Variants in BCAS3 observed in about 807,000 individuals in gnomAD.
BCAS3 encodes BCAS3 microtubule associated cell migration factor.
In BCAS3, 53 loss-of-function variants were observed where a neutral mutation model predicts 116.1. The ratio of observed to expected loss-of-function variants is 0.46; its 90% CI spans 0.37 to 0.57. BCAS3 has a LOEUF of 0.57. Among genes scored for constraint, BCAS3 ranks in the 20% least tolerant of loss-of-function variants. BCAS3 has a pLI of 0.00. For missense variants in BCAS3, 917 were observed against 1,165.4 expected, an observed-to-expected ratio of 0.79 and a Z score of 3.10; for synonymous variants, 391 against 408.2, an observed-to-expected ratio of 0.96 and a Z score of 0.51.
At chr17:61,242,720 T>A (rs1249686570) in intron 22 of BCAS3, among the ~76,000 whole-genome samples, 4 of 152,312 alleles carry the variant, frequency 2.6e-5, no homozygotes, top group African/African-American at 9.6e-5. Flanking sequence ...ATAAGTTTAT[T>A]CTTTTTCTGA....
At chr17:60,702,923 A>G (rs934670680) in intron 4 of BCAS3, among the ~76,000 whole-genome samples, 2 of 152,136 alleles carry the variant, frequency 1.3e-5, no homozygotes, top group Non-Finnish European at 2.9e-5. Flanking sequence ...CTGTCATTGC[A>G]GTGACACCAG....
In BCAS3 at chr17:61,196,547, C is replaced by T. The variant is rs977564858; in HGVS notation, c.2425+111983C>T. ...AGCTGGGAAGGGTTGGAAGTAGCCC[C>T]AAGGCTGGTTAGTCCCCTTCCAGAT... On this transcript the variant is annotated intron_variant, in intron 22 of 23. Coordinates refer to ENST00000407086, the MANE Select transcript of BCAS3 (RefSeq NM_017679.5). The surrounding 1 kb of genome is among the most constrained non-coding windows in gnomAD (Gnocchi z 4.7). Among the ~76,000 whole-genome samples the T allele has an allele frequency of 1.3e-5, 2 of 152,188 alleles. No homozygotes were observed. The highest frequency in any genetic ancestry group is 4.8e-5 in the African/African-American group (2 of 41,454).
rs558344486 is a variant in BCAS3 at position 61,385,840 on chromosome 17, C to T, written c.2594-6137C>T. 1.0e-3 allele frequency among the ~76,000 whole-genome samples: 159 copies of T among 152,234 alleles called. 1 individual carries two copies. The highest frequency in any genetic ancestry group is 3.7e-3 in the African/African-American group (152 of 41,546). On this transcript the variant is annotated intron_variant, in intron 23 of 23. Coordinates refer to ENST00000407086, the MANE Select transcript of BCAS3 (RefSeq NM_017679.5). ...TTGGAAGAGGGTATTTGCAAAGAGG[C>T]GAGGAGGGAAATGAAAAGCTGTAAA...
chr17:61,330,654 C>T (rs902069288), intron 22 of BCAS3, among the ~76,000 whole-genome samples: 17 of 152,344 alleles, frequency 1.1e-4, no homozygotes, highest in African/African-American at 3.8e-4. Flanking sequence ...CCCCAGGAGT[C>T]CCCCTGCCCA....
chr17:61,263,497 C>T (rs1228201552), intron 22 of BCAS3, among the ~76,000 whole-genome samples: 1 of 152,202 alleles, frequency 6.6e-6, no homozygotes, highest in African/African-American at 2.4e-5. Context: ...CGATGCTGCC[C>T]ATGCAGAGGT....
chr17:60,685,450 CAAAAAAAAAA>C (rs1204965872), intron 3 of BCAS3, among the ~76,000 whole-genome samples: 1 of 54,380 alleles, frequency 1.8e-5, no homozygotes, highest in Non-Finnish European at 4.4e-5. Flanking sequence ...AACTCCGTCT[CAAAAAAAAAA>C]AAAAAAAAAA....
Position 60,960,383 on chromosome 17 carries a change from G to A in BCAS3, c.1221+13031G>A. On this transcript the variant is annotated intron_variant, in intron 14 of 23. Transcript: ENST00000407086. This position sits in a 1 kb window ranked among gnomAD's most constrained non-coding sequence, Gnocchi z 4.1. ...AATTCCTGTGCTTCTGTGGACCTGT[G>A]AAACTACAATAAAAGTTACCTCCTG... Among the ~76,000 whole-genome samples, 1 of 152,148 alleles carries A rather than the reference G, an allele frequency of 6.6e-6. No individual in the cohort carries two copies. The highest frequency in any genetic ancestry group is 1.5e-5 in the Non-Finnish European group (1 of 68,034).
chr17:60,802,372 A>ATATATC (rs2047891901), intron 6 of BCAS3, among the ~76,000 whole-genome samples: 1 of 85,792 alleles, frequency 1.2e-5, no homozygotes, highest in African/African-American at 2.2e-4. Flanking sequence ...ACATACATAC[A>ATATATC]TATATATATA....
intron 15 of BCAS3, chr17:61,002,651 T>G (rs1008765092): frequency 6.6e-6 from 1 of 152,144 alleles, no homozygotes; most frequent in East Asian, 1.9e-4. Flanking sequence ...CCTTTCTGAG[T>G]ACTACATGCA....
intron 7 of BCAS3, chr17:60,810,692 A>G (rs1322989399): frequency 3.0e-6 from 2 of 666,186 alleles, no homozygotes; most frequent in East Asian, 3.0e-5. Flanking sequence ...GCCATGCCCT[A>G]GTCTGTGGAG....
At chr17:61,334,675 A>AAAAC (rs2056574297) in intron 22 of BCAS3, among the ~76,000 whole-genome samples, 1 of 146,190 alleles carries the variant, frequency 6.8e-6, no homozygotes, top group Non-Finnish European at 1.5e-5. Flanking sequence ...AAAAAAAAAA[A>AAAAC]AAAAAAAAAA....
At chr17:60,757,225 G>T (rs1295027377) in intron 6 of BCAS3, among the ~76,000 whole-genome samples, 1 of 151,688 alleles carries the variant, frequency 6.6e-6, no homozygotes, top group Non-Finnish European at 1.5e-5. Context: ...CTGAGGCAGG[G>T]AATTGCTTGA....
intron 13 of BCAS3, among the ~76,000 whole-genome samples, chr17:60,942,532 A>G (rs1210352204): frequency 2.6e-5 from 4 of 152,234 alleles, no homozygotes; most frequent in Admixed American, 1.3e-4. Context: ...AGCTAGACAT[A>G]TAATGAGAGG....
intron 6 of BCAS3, among the ~76,000 whole-genome samples, chr17:60,759,518 A>T (rs2043305593): frequency 6.6e-6 from 1 of 151,858 alleles, no homozygotes; most frequent in Non-Finnish European, 1.5e-5. Flanking sequence ...CTCCCTTTAG[A>T]TCTACTAATA....
chr17:60,872,182 T>C (rs1386058298), intron 8 of BCAS3, among the ~76,000 whole-genome samples: 1 of 151,938 alleles, frequency 6.6e-6, no homozygotes, highest in Non-Finnish European at 1.5e-5. Flanking sequence ...TTATCCAGTC[T>C]GACAGTTTCT....
intron 5 of BCAS3, among the ~76,000 whole-genome samples, chr17:60,738,303 G>A (rs985621362): frequency 2.0e-5 from 3 of 152,224 alleles, no homozygotes; most frequent in African/African-American, 4.8e-5. Context: ...ATAGAGGGGT[G>A]TTAGAGTCTC....
At chr17:60,878,667 G>T (rs2055843094) in intron 9 of BCAS3, among the ~76,000 whole-genome samples, 1 of 152,066 alleles carries the variant, frequency 6.6e-6, no homozygotes, top group African/African-American at 2.4e-5. Flanking sequence ...ACCAATAGTG[G>T]TAATGTATTT....
chr17:60,760,108 G>A (rs2043376892), intron 6 of BCAS3, among the ~76,000 whole-genome samples: 1 of 152,126 alleles, frequency 6.6e-6, no homozygotes, highest in South Asian at 2.1e-4. Flanking sequence ...CATCATACTT[G>A]TATCATGTTT....
At chr17:60,697,549 C>T (rs1045243310) in intron 4 of BCAS3, among the ~76,000 whole-genome samples, 6 of 147,798 alleles carry the variant, frequency 4.1e-5, no homozygotes, top group Non-Finnish European at 5.9e-5. Context: ...CACCACTGCA[C>T]TCCAGCCTGG....
Sources: gnomAD v4.1 joint callset for allele counts (sites outside exome capture counted in the v4.1 genomes callset) on GRCh38, gnomAD v4.1.1 for gene constraint, Gnocchi (gnomAD v3.1) non-coding constraint, MANE v1.5 for transcripts, NCBI Gene and HGNC (gene_info 2026-07-23, HGNC 2026-07-21) for gene names.